Variants in SPG7 observed in about 807,000 individuals in gnomAD.
SPG7 encodes the protein mitochondrial inner membrane m-AAA protease component paraplegin.
A neutral mutation model predicts 81.9 loss-of-function variants in SPG7; 103 were observed. The ratio of observed to expected loss-of-function variants is 1.26; its 90% CI spans 1.07 to 1.48. The LOEUF is 1.48. Among genes scored for constraint, SPG7 ranks in the 40% most tolerant of loss-of-function variants. The pLI, the probability that SPG7 is intolerant of heterozygous loss-of-function variation, is 0.00. For synonymous variants in SPG7, 534 were observed against 444.2 expected (o/e 1.20, Z -2.54); for missense variants, 1,241 against 1,087.3 (o/e 1.14, Z -1.99).
chr16:89,510,723 G>A (rs1358979261), intron 2 of SPG7, 131 bp downstream of exon 2: 4 of 700,284 alleles, frequency 5.7e-6, no homozygotes, highest in Non-Finnish European at 1.0e-5. Context: ...GCAGTACAAT[G>A]GTGTGATCAG....
intron 3 of SPG7, chr16:89,522,512 C>G (rs890652351): frequency 6.6e-6 from 1 of 152,122 alleles, no homozygotes; most frequent in African/African-American, 2.4e-5. Flanking sequence ...GGCGGTTTGT[C>G]CGCAGGCGCT....
At chr16:89,553,213 A>T in intron 14 of SPG7, 78 bp downstream of exon 14, 1 of 1,358,966 alleles carries the variant, frequency 7.4e-7, no homozygotes, top group Non-Finnish European at 1.0e-6. Flanking sequence ...AGTGCATGCC[A>T]TGGGGTGAAT....
rs199751531 is a variant in SPG7 at position 89,526,329 on chromosome 16, C to T, written c.619C>T (p.Arg207Trp). Residue 207 changes from arginine (R) to tryptophan (W), a missense_variant and splice_region_variant, in exon 5 of 17, where the codon CGG becomes TGG. By Grantham distance (101) the Arg-to-Trp change is moderately radical. Coordinates refer to ENST00000645818, the MANE Select transcript of SPG7 (RefSeq NM_003119.4). ...GTCCCCTCTCCTTTCTGCCCCCCAG[C>T]GGCTAGCCTTGATGTACCGAATGCA... Reference protein sequence around the residue: ...HPGAVVFGRPRLALMYRMQVA... With the variant: ...HPGAVVFGRPWLALMYRMQVA... 4.2e-5 allele frequency: 67 copies of T among 1,613,886 alleles called. No individual in the cohort carries two copies. The highest frequency in any genetic ancestry group is 2.7e-4 in the South Asian group (25 of 91,080).
chr16:89,534,198 CG>C (rs1441274743), intron 9 of SPG7, among the ~76,000 whole-genome samples: 29 of 152,294 alleles, frequency 1.9e-4, no homozygotes, highest in African/African-American at 7.0e-4. Flanking sequence ...GCCTGTGTCC[CG>C]CTGTCTGTCT....
chr16:89,508,537 G>A lies in SPG7; in HGVS notation c.120G>A (p.Gly40=), dbSNP rs187330648. The change falls in exon 1 of 17, where the codon GGG becomes GGA. Residue 40 remains glycine (G), a synonymous_variant. Transcript: ENST00000645818. ...SPGFPARPGR[G]RPYMASRPPG... ...GGTTCCCCGCCAGGCCCGGGAGGGGGCGGCCGTACATGGCCAGCAGGCCTC... is the reference window on the plus strand; with the variant it reads ...GGTTCCCCGCCAGGCCCGGGAGGGGACGGCCGTACATGGCCAGCAGGCCTC... The A allele has an allele frequency of 0.012, 18,715 of 1,512,498 alleles. 138 individuals are homozygous for A. Among genetic ancestry groups the A allele is most frequent in the Non-Finnish European group, 0.014 (16,454 of 1,135,896 alleles). 93.7% of individuals were successfully genotyped at this position (1,512,498 alleles called of 1,614,324 possible).
chr16:89,531,979 A>T lies in SPG7; in HGVS notation c.1063A>T (p.Lys355Ter). Reference protein sequence around the residue: ...ALLLGPPGCGKTLLAKAVATE... With the variant: ...ALLLGPPGCG ...GCTGCTCGGCCCCCCCGGCTGTGGG[A>T]AGACGCTGCTGGCCAAGGCGGTGGC... Residue 355 changes from lysine (K) to a stop codon, truncating the protein, a stop_gained, in exon 8 of 17, where the codon AAG becomes TAG. Transcript: ENST00000645818. LOFTEE classifies it high-confidence loss of function. 1 of 1,613,900 alleles carries T rather than the reference A, an allele frequency of 6.2e-7. No homozygotes were observed.
intron 7 of SPG7, 101 bp from the exon 8 acceptor site, chr16:89,531,803 C>T (rs1304806742): frequency 8.5e-7 from 1 of 1,175,046 alleles, no homozygotes; most frequent in African/African-American, 1.5e-5. Context: ...TCATGGCACC[C>T]ACTGCACTCC....
intron 13 of SPG7, chr16:89,552,526 G>T (rs562486097): frequency 4.6e-6 from 1 of 215,918 alleles, no homozygotes; most frequent in African/African-American, 2.3e-5. Context: ...GTTGCCCCGC[G>T]CCACCTCCTT....
chr16:89,540,950 A>G lies in SPG7; in HGVS notation c.1325-3698A>G, dbSNP rs141507890. 1.4e-3 allele frequency: 1,338 copies of G among 984,680 alleles called. 9 individuals carry two copies. The African/African-American group carries it at 0.016, about 11-fold the overall frequency. The allele number at this position is 984,680 out of a possible 1,614,324, so 61.0% of individuals were successfully genotyped here. ...TGGTGTATCCTTATCACAGTGTTCT[A>G]CGCAGAAATAGAAGAGCTGAAACTG... On this transcript the variant is annotated intron_variant, in intron 9 of 16. Coordinates refer to ENST00000645818, the MANE Select transcript of SPG7 (RefSeq NM_003119.4).
rs1490311512 is a variant in SPG7, at chr16:89,540,875, C to G, written c.1325-3773C>G. The G allele has an allele frequency of 8.2e-6, 8 of 981,528 alleles. No individual in the cohort carries two copies. The South Asian group carries it at 2.4e-4, about 29-fold the overall frequency. The allele number at this position is 981,528 out of a possible 1,614,324, so 60.8% of individuals were successfully genotyped here. On this transcript the variant is annotated intron_variant, in intron 9 of 16. Coordinates refer to ENST00000645818, the MANE Select transcript of SPG7 (RefSeq NM_003119.4). The stretch of plus-strand genomic sequence containing the variant: ...GCCGACGCTCATTTACCTGTAATAG[C>G]TAAAAACTGGAAGTGACCCAGGTGC...
At chr16:89,544,621 GAGCC>G (rs2058539576) in intron 9 of SPG7, 23 bp from the exon 10 acceptor site, 2 of 1,613,550 alleles carry the variant, frequency 1.2e-6, no homozygotes, top group Non-Finnish European at 8.5e-7. Flanking sequence ...CCTACCCTCA[GAGCC>G]ACTGTCTGCT....
intron 9 of SPG7, chr16:89,537,278 C>T: frequency 7.6e-7 from 1 of 1,311,058 alleles, no homozygotes. Context: ...GTCCTGCGGA[C>T]CCCAGAGCCC....
chr16:89,546,212 G>C (rs1208570901), intron 10 of SPG7: 1 of 307,036 alleles, frequency 3.3e-6, no homozygotes, highest in Non-Finnish European at 6.4e-6. Context: ...TCAGCCTCCC[G>C]AGTAGCTGGG....
chr16:89,527,197 C>T (rs1250795747), intron 5 of SPG7: 4 of 154,124 alleles, frequency 2.6e-5, no homozygotes, highest in Admixed American at 2.6e-4. Flanking sequence ...TACATTCATT[C>T]TGTGCTTGGT....
At chr16:89,553,455 A>G (rs533464112) in intron 14 of SPG7, 7 of 521,780 alleles carry the variant, frequency 1.3e-5, no homozygotes, top group Non-Finnish European at 2.1e-5. Context: ...TGGGATATCC[A>G]GAGAGCTGAA....
Position 89,508,554 on chromosome 16 carries a change from G to C in SPG7, c.137G>C (p.Ser46Thr), listed in dbSNP as rs1198857710. The C allele has an allele frequency of 6.6e-7, 1 of 1,504,702 alleles. No individual in the cohort carries two copies. The highest frequency in any genetic ancestry group is 1.4e-5 in the African/African-American group (1 of 69,010). 93.2% of individuals were successfully genotyped at this position (1,504,702 alleles called of 1,614,324 possible). The change falls in exon 1 of 17, where the codon AGC becomes ACC. Residue 46 changes from serine to threonine, a missense_variant. Coordinates refer to ENST00000645818, the MANE Select transcript of SPG7 (RefSeq NM_003119.4). ...RPGRGRPYMA[S>T]RPPGDLAEAG... The stretch of plus-strand genomic sequence containing the variant: ...GGGAGGGGGCGGCCGTACATGGCCA[G>C]CAGGCCTCCGGGGGACCTCGCCGAG...
At chr16:89,534,714 G>A (rs2058388975) in intron 9 of SPG7, among the ~76,000 whole-genome samples, 1 of 152,182 alleles carries the variant, frequency 6.6e-6, no homozygotes, top group African/African-American at 2.4e-5. Context: ...CAGAAGCGTT[G>A]CCACGGTAGT....
At chr16:89,509,786 CTTT>C (rs34140158) in intron 1 of SPG7, among the ~76,000 whole-genome samples, 27 of 95,124 alleles carry the variant, frequency 2.8e-4, no homozygotes, top group South Asian at 8.2e-4. Flanking sequence ...TTGTTTTCTT[CTTT>C]TTTTTTTTTT....
chr16:89,553,463 G>A (rs1484229878), intron 14 of SPG7: 13 of 526,500 alleles, frequency 2.5e-5, no homozygotes, highest in East Asian at 3.4e-5. Flanking sequence ...CCAGAGAGCT[G>A]AAGGAGGGTC....
Sources: allele counts gnomAD v4.1 joint callset (sites outside exome capture counted in the v4.1 genomes callset), GRCh38; gene constraint gnomAD v4.1.1; transcripts MANE v1.5; gene names NCBI Gene and HGNC (gene_info 2026-07-23, HGNC 2026-07-21).